Variants in ERC1 observed in about 807,000 individuals in gnomAD.
The protein encoded by ERC1 is RAB6 interacting protein 2.
In ERC1, 56 loss-of-function variants were observed where a neutral mutation model predicts 132.0. The ratio of observed to expected loss-of-function variants is 0.42; its 90% CI spans 0.34 to 0.53. ERC1 has a LOEUF of 0.53. Ranked by LOEUF, ERC1 falls within the 20% of genes least tolerant of loss-of-function variation. The pLI is 0.03. For missense variants in ERC1, 1,202 were observed against 1,349.9 expected, an observed-to-expected ratio of 0.89 and a Z score of 1.72; for synonymous variants, 478 against 476.1, an observed-to-expected ratio of 1.00 and a Z score of -0.05.
intron 12 of ERC1, among the ~76,000 whole-genome samples, chr12:1,193,474 A>G (rs987389075): frequency 2.6e-5 from 4 of 152,030 alleles, no homozygotes; most frequent in African/African-American, 9.7e-5. Context: ...AGATAAATAC[A>G]TATATACACA....
intron 3 of ERC1, among the ~76,000 whole-genome samples, chr12:1,091,391 A>T (rs1232286325): frequency 6.6e-6 from 1 of 152,190 alleles, no homozygotes; most frequent in Admixed American, 6.5e-5. Context: ...CAGCTTTGCC[A>T]AGTAAAATAA....
intron 15 of ERC1, among the ~76,000 whole-genome samples, chr12:1,325,318 A>T (rs946151932): frequency 6.6e-5 from 10 of 152,080 alleles, no homozygotes; most frequent in Non-Finnish European, 1.3e-4. Flanking sequence ...ATTTCAAGGA[A>T]CCCATAGTGC....
intron 14 of ERC1, among the ~76,000 whole-genome samples, chr12:1,283,800 C>T (rs756936215): frequency 3.3e-5 from 5 of 152,060 alleles, no homozygotes; most frequent in African/African-American, 9.7e-5. Context: ...AATAGTTGTA[C>T]GTATTTATGG....
intron 7 of ERC1, among the ~76,000 whole-genome samples, chr12:1,141,247 A>G (rs1171511652): frequency 2.6e-5 from 4 of 152,194 alleles, no homozygotes; most frequent in Non-Finnish European, 5.9e-5. Flanking sequence ...TGATATAGCC[A>G]GTGTTATGCT....
chr12:1,410,355 G>A, intron 17 of ERC1: 2 of 1,055,854 alleles, frequency 1.9e-6, no homozygotes, highest in African/African-American at 1.6e-5. Context: ...TGCTGCCCTG[G>A]GGCATTGCCC....
At chr12:1,421,522 C>T (rs773690281) in intron 17 of ERC1, among the ~76,000 whole-genome samples, 4 of 152,028 alleles carry the variant, frequency 2.6e-5, no homozygotes, top group Admixed American at 1.3e-4. Flanking sequence ...GTCACAAGAC[C>T]GGTTGAGTCA....
chr12:1,193,035 A>C (rs1040024456), intron 12 of ERC1, among the ~76,000 whole-genome samples: 9 of 152,194 alleles, frequency 5.9e-5, no homozygotes, highest in African/African-American at 1.9e-4. Flanking sequence ...TGCAAAAATG[A>C]AAGGAGACTG....
At chr12:1,482,087 G>A (rs887018310) in intron 18 of ERC1, among the ~76,000 whole-genome samples, 4 of 152,182 alleles carry the variant, frequency 2.6e-5, no homozygotes, top group Non-Finnish European at 5.9e-5. Flanking sequence ...CTGAAACTGT[G>A]TAATGGAATG....
At chr12:1,320,532 C>T (rs1248357914) in intron 15 of ERC1, among the ~76,000 whole-genome samples, 1 of 152,192 alleles carries the variant, frequency 6.6e-6, no homozygotes, top group African/African-American at 2.4e-5. Context: ...TTTGCCATTA[C>T]ATTCAATGCT....
At chr12:1,259,275 G>A (rs1463429939) in intron 13 of ERC1, among the ~76,000 whole-genome samples, 4 of 151,682 alleles carry the variant, frequency 2.6e-5, no homozygotes, top group Non-Finnish European at 5.9e-5. Context: ...TTATATTATT[G>A]TTGTATTATT....
At chr12:1,443,666 C>G (rs910807992) in intron 17 of ERC1, 27 of 152,200 alleles carry the variant, frequency 1.8e-4, no homozygotes, top group African/African-American at 6.0e-4. Flanking sequence ...GAGGTCTGGC[C>G]CCACTCTCTT....
chr12:1,275,992 C>T (rs1330979884), intron 14 of ERC1, among the ~76,000 whole-genome samples: 1 of 152,160 alleles, frequency 6.6e-6, no homozygotes, highest in African/African-American at 2.4e-5. Context: ...TGTTAAACAA[C>T]AGATTCTCAG....
chr12:1,230,653 A>T (rs1395700848), intron 12 of ERC1, among the ~76,000 whole-genome samples: 1 of 152,150 alleles, frequency 6.6e-6, no homozygotes, highest in East Asian at 1.9e-4. Flanking sequence ...ATCCATTGTT[A>T]AAAGTGGGGT....
chr12:1,415,607 A>G (rs2092078502), intron 17 of ERC1, among the ~76,000 whole-genome samples: 2 of 152,226 alleles, frequency 1.3e-5, no homozygotes, highest in African/African-American at 4.8e-5. Flanking sequence ...TTAAATTTCT[A>G]GAGAATACAT....
chr12:1,257,220 C>T (rs1713627393), intron 13 of ERC1: 1 of 152,238 alleles, frequency 6.6e-6, no homozygotes, highest in Non-Finnish European at 1.5e-5. Flanking sequence ...CCACTAGCTG[C>T]ACCACCTTGC....
chr12:1,469,676 G>A (rs765278233), intron 18 of ERC1, among the ~76,000 whole-genome samples: 14 of 152,150 alleles, frequency 9.2e-5, no homozygotes, highest in Admixed American at 2.0e-4. Flanking sequence ...GAAACGTCCC[G>A]GGAGTCCCTC....
chr12:1,220,192 G>A (rs778083450), intron 12 of ERC1, among the ~76,000 whole-genome samples: 6 of 152,144 alleles, frequency 3.9e-5, no homozygotes, highest in Admixed American at 6.6e-5. Flanking sequence ...CACATCCAGT[G>A]TCTCCATTAC....
At chr12:1,469,181 T>C (rs1312328248) in intron 18 of ERC1, among the ~76,000 whole-genome samples, 1 of 152,240 alleles carries the variant, frequency 6.6e-6, no homozygotes, top group African/African-American at 2.4e-5. Context: ...GGGCTGTGAC[T>C]CCACGCAGCT....
At chr12:1,346,466 G>A (rs1386899725) in intron 15 of ERC1, among the ~76,000 whole-genome samples, 1 of 152,156 alleles carries the variant, frequency 6.6e-6, no homozygotes, top group African/African-American at 2.4e-5. Flanking sequence ...AGGGTAAAGA[G>A]CAACACTATT....
Sources: allele counts gnomAD v4.1 joint callset (sites outside exome capture counted in the v4.1 genomes callset), GRCh38; gene constraint gnomAD v4.1.1; transcripts MANE v1.5; gene names NCBI Gene and HGNC (gene_info 2026-07-23, HGNC 2026-07-21).